UBR2: variants seen among roughly 807,000 people sequenced by gnomAD.
The protein encoded by UBR2 is ubiquitin protein ligase E3 component n-recognin 2.
In UBR2, 92 loss-of-function variants were observed where a neutral mutation model predicts 247.9. The observed-to-expected ratio is 0.37, with a 90% CI of 0.31 to 0.44. The LOEUF (loss-of-function observed/expected upper bound fraction) is 0.44. Ranked by LOEUF, UBR2 falls within the 20% of genes least tolerant of loss-of-function variation. The pLI, the probability that UBR2 is intolerant of heterozygous loss-of-function variation, is 1.00. For missense variants in UBR2, 1,613 were observed against 2,112.6 expected, an observed-to-expected ratio of 0.76 and a Z score of 4.64; for synonymous variants, 672 against 693.5, an observed-to-expected ratio of 0.97 and a Z score of 0.49.
Position 42,616,011 on chromosome 6 carries a change from G to A in UBR2, c.1103G>A (p.Ser368Asn). The change falls in exon 10 of 47, where the codon AGT becomes AAT. Residue 368 changes from serine (S) to asparagine (N), a missense_variant. Physicochemically the swap from Ser to Asn is conservative, Grantham distance 46 (BLOSUM62 1). This residue lies in a region of UBR2 where 1,524 missense variants were observed against 1,967.3 expected (regional missense o/e 0.77). Coordinates refer to ENST00000372901, the MANE Select transcript of UBR2 (RefSeq NM_001363705.2). ...SDSKLWKGAR[S>N]VYHQLFMSSL... ...GATCTTTTTCTACAAGGTGCTAGGA[G>A]TGTATATCATCAGTTGTTCATGAGC... The A allele has an allele frequency of 1.2e-6, 2 of 1,602,064 alleles. No homozygotes were observed. The highest frequency in any genetic ancestry group is 1.1e-5 in the South Asian group (1 of 88,336).
intron 22 of UBR2, among the ~76,000 whole-genome samples, chr6:42,649,805 C>A (rs1797006847): frequency 7.2e-6 from 1 of 138,766 alleles, no homozygotes; most frequent in Non-Finnish European, 1.6e-5. Context: ...CTTCCAGTCT[C>A]CCTTGTTTTT....
At chr6:42,667,460 G>A (rs1798170895) in intron 34 of UBR2, among the ~76,000 whole-genome samples, 1 of 151,198 alleles carries the variant, frequency 6.6e-6, no homozygotes, top group Admixed American at 6.6e-5. Flanking sequence ...TATCTTCACT[G>A]TTGACTGGTA....
At chr6:42,587,900 A>G (rs955428837) in intron 2 of UBR2, among the ~76,000 whole-genome samples, 6 of 151,654 alleles carry the variant, frequency 4.0e-5, no homozygotes, top group Admixed American at 2.6e-4. Context: ...TCTGGGAAAA[A>G]CACACTCTTT....
At chr6:42,582,441 A>G (rs1430385219) in intron 2 of UBR2, among the ~76,000 whole-genome samples, 1 of 152,034 alleles carries the variant, frequency 6.6e-6, no homozygotes, top group African/African-American at 2.4e-5. Context: ...GTTTTTGTGG[A>G]CATATGTTTT....
At chr6:42,678,470 GT>G in intron 40 of UBR2, 68 bp from the exon 41 acceptor site, 1 of 1,513,802 alleles carries the variant, frequency 6.6e-7, no homozygotes, top group Non-Finnish European at 8.8e-7. Context: ...AGTCAAGTCT[GT>G]TTTCACACTA....
rs1215520556 is a variant in UBR2, at chr6:42,655,623, G to C, written c.2772G>C (p.Val924=). 1.9e-6 allele frequency: 3 copies of C among 1,540,344 alleles called. No homozygotes were observed. Among genetic ancestry groups the C allele is most frequent in the Non-Finnish European group, 2.6e-6 (3 of 1,151,672 alleles). The change falls in exon 26 of 47, where the codon GTG becomes GTC. Residue 924 remains valine, a splice_region_variant and synonymous_variant. Transcript: ENST00000372901. The part of the protein sequence containing the change: ...YAWSESMLQR[V]LHLIGMALQE... Reference sequence around the variant, plus strand: ...AAGTTACAAAACATTTATTCAAGGTGTTACATTTAATTGGCATGGCACTAC... The same window carrying C: ...AAGTTACAAAACATTTATTCAAGGTCTTACATTTAATTGGCATGGCACTAC...
Position 42,612,176 on chromosome 6 carries a change from T to C in UBR2, c.870T>C (p.Asn290=). The C allele has an allele frequency of 6.6e-7, 1 of 1,508,624 alleles. No homozygotes were observed. Among genetic ancestry groups the C allele is most frequent in the South Asian group, 1.3e-5 (1 of 74,514 alleles). 93.5% of individuals were successfully genotyped at this position (1,508,624 alleles called of 1,614,324 possible). A position where few individuals can be genotyped will look rare whatever the true frequency, so the allele number is the denominator to read the frequency against. ...TCTTGCCATTTCTTTTTAAGAGAAATACCAGTAGACAGACAAAGCCACTCA... is the reference window on the plus strand; with the variant it reads ...TCTTGCCATTTCTTTTTAAGAGAAACACCAGTAGACAGACAAAGCCACTCA... The part of the protein sequence containing the change: ...CEQAKSVIVR[N]TSRQTKPLKV... The change falls in exon 8 of 47, where the codon AAT becomes AAC. Residue 290 remains asparagine, a synonymous_variant. Transcript: ENST00000372901.
chr6:42,660,799 T>G (rs1425070120), intron 30 of UBR2, among the ~76,000 whole-genome samples: 1 of 149,464 alleles, frequency 6.7e-6, no homozygotes, highest in Non-Finnish European at 1.5e-5. Flanking sequence ...CCATCTCTAC[T>G]AATAGTACAA....
At chr6:42,630,201 A>G (rs1232698354) in intron 11 of UBR2, among the ~76,000 whole-genome samples, 1 of 143,380 alleles carries the variant, frequency 7.0e-6, no homozygotes, top group African/African-American at 2.6e-5. Flanking sequence ...TTTTTTTTTT[A>G]ATTGAGAGAG....
At chr6:42,612,112 G>C (rs1459691261) in intron 7 of UBR2, 59 bp from the exon 8 acceptor site, 1 of 1,421,440 alleles carries the variant, frequency 7.0e-7, no homozygotes, top group Non-Finnish European at 9.4e-7. Flanking sequence ...TAATAACTTT[G>C]TTCTGCCAAT....
chr6:42,613,579 AAAAT>A (rs1794227671), intron 8 of UBR2, among the ~76,000 whole-genome samples: 1 of 152,098 alleles, frequency 6.6e-6, no homozygotes, highest in African/African-American at 2.4e-5. Flanking sequence ...TTTTTAAAAG[AAAAT>A]AAATATCTTT....
Position 42,564,932 on chromosome 6 carries a change from CT to C in UBR2, c.78+545del, listed in dbSNP as rs372808088. The stretch of plus-strand genomic sequence containing the variant: ...CCTTCGTTATCCGTTTCAGTGCTAT[CT>C]TTTTTTTTTGCACCGGTTTGATTAG... On this transcript the variant is annotated intron_variant, in intron 1 of 46. Coordinates refer to ENST00000372901, the MANE Select transcript of UBR2 (RefSeq NM_001363705.2). Among the ~76,000 whole-genome samples, 1,083 of 149,590 alleles carry C rather than the reference CT, an allele frequency of 7.2e-3. 15 individuals carry two copies. The highest frequency in any genetic ancestry group is 0.025 in the African/African-American group (1,036 of 40,930).
At chr6:42,671,860 C>A (rs1374864347) in intron 36 of UBR2, among the ~76,000 whole-genome samples, 1 of 152,142 alleles carries the variant, frequency 6.6e-6, no homozygotes. Flanking sequence ...TCCAAATGAT[C>A]CCCACCTGTG....
rs7770271 is a variant in UBR2, at chr6:42,653,760, T to A, written c.2769+1115T>A. Among the ~76,000 whole-genome samples the A allele has an allele frequency of 7.2e-5, 11 of 151,810 alleles. No individual in the cohort carries two copies. The South Asian group carries it at 2.3e-3, about 32-fold the overall frequency. ...CCTCCCAAGTAGTTGGGAGTACAGG[T>A]GCCTGTCACGAAGCCCAGCTAATTT... On this transcript the variant is annotated intron_variant, in intron 25 of 46. Coordinates refer to ENST00000372901, the MANE Select transcript of UBR2 (RefSeq NM_001363705.2).
intron 2 of UBR2, among the ~76,000 whole-genome samples, chr6:42,582,814 C>T (rs1035505117): frequency 1.3e-5 from 2 of 151,574 alleles, no homozygotes; most frequent in African/African-American, 2.4e-5. Flanking sequence ...GTTTAATTTG[C>T]CATTCTATTT....
intron 1 of UBR2, among the ~76,000 whole-genome samples, chr6:42,568,999 ATTCT>A (rs1277459778): frequency 3.3e-5 from 5 of 152,128 alleles, no homozygotes; most frequent in African/African-American, 4.8e-5. Flanking sequence ...TGTGTCAGTA[ATTCT>A]TTCTTTTTTA....
chr6:42,679,175 G>C (rs1036387493), intron 41 of UBR2, among the ~76,000 whole-genome samples: 2 of 152,236 alleles, frequency 1.3e-5, no homozygotes, highest in African/African-American at 4.8e-5. Context: ...GGACTTGACT[G>C]TATCTCTGTA....
chr6:42,645,592 T>C lies in UBR2; in HGVS notation c.2409+2T>C. On this transcript the variant is annotated splice_donor_variant, in intron 21 of 46. Transcript: ENST00000372901. LOFTEE classifies it high-confidence loss of function. ...TTGGTAAAGTCTTTACCTGAAGATG[T>C]AAGTACCTACATTTCTAAAAAGAAA... 7 of 1,611,938 alleles carry C rather than the reference T, an allele frequency of 4.3e-6. No individual in the cohort carries two copies. The highest frequency in any genetic ancestry group is 5.9e-6 in the Non-Finnish European group (7 of 1,179,458).
In UBR2 at chr6:42,616,015, A is replaced by G. The variant is rs535005290; in HGVS notation, c.1107A>G (p.Val369=). ...DSKLWKGARS[V]YHQLFMSSLL... The stretch of plus-strand genomic sequence containing the variant: ...TTTTTCTACAAGGTGCTAGGAGTGT[A>G]TATCATCAGTTGTTCATGAGCAGTC... The change falls in exon 10 of 47, where the codon GTA becomes GTG. Residue 369 remains valine (V), a synonymous_variant. Coordinates refer to ENST00000372901, the MANE Select transcript of UBR2 (RefSeq NM_001363705.2). 9 of 1,603,236 alleles carry G rather than the reference A, an allele frequency of 5.6e-6. No homozygotes were observed. The South Asian group carries it at 1.0e-4, about 18-fold the overall frequency.
Sources: gnomAD v4.1 joint callset for allele counts (sites outside exome capture counted in the v4.1 genomes callset) on GRCh38, gnomAD v4.1.1 for gene constraint, gnomAD v4.1.1 regional missense constraint, MANE v1.5 for transcripts, NCBI Gene and HGNC (gene_info 2026-07-23, HGNC 2026-07-21) for gene names.